The following RBMS3 variants were observed in gnomAD, a reference collection of about 807,000 sequenced individuals.
RBMS3 encodes the protein RNA binding motif single stranded interacting protein 3.
Under a neutral mutation model 66.8 loss-of-function variants are expected in RBMS3, and 27 were observed. That is an observed-to-expected ratio of 0.40 (90% CI 0.30 to 0.56). The LOEUF (loss-of-function observed/expected upper bound fraction) is 0.56, where lower values mean the gene tolerates loss of function less well. Among genes scored for constraint, RBMS3 ranks in the 20% least tolerant of loss-of-function variants. RBMS3 has a pLI of 0.40. For missense variants in RBMS3, 513 were observed against 549.5 expected (o/e 0.93, Z 0.66); for synonymous variants, 188 against 183.0 (o/e 1.03, Z -0.22).
intron 6 of RBMS3, among the ~76,000 whole-genome samples, chr3:29,806,694 C>T (rs138416396): frequency 4.1e-4 from 62 of 152,018 alleles, no homozygotes; most frequent in African/African-American, 1.4e-3. Flanking sequence ...TATATCATGG[C>T]TCATTTATAA....
rs139112169 is a variant in RBMS3 at position 29,835,960 on chromosome 3, T to C, written c.638-32898T>C. Among the ~76,000 whole-genome samples, 117 of 151,546 alleles carry C rather than the reference T, an allele frequency of 7.7e-4. No individual in the cohort carries two copies. The East Asian group carries it at 0.019, about 24-fold the overall frequency. ...GAAATTAGAACAGACACCACAAAAA[T>C]AAAAGTATCATAAGAGGCTAATATA... On this transcript the variant is annotated intron_variant, in intron 6 of 14. Coordinates refer to ENST00000383767, the MANE Select transcript of RBMS3 (RefSeq NM_001003793.3).
rs774857494 is a variant in RBMS3, at chr3:29,293,088, A to C, written c.75+11332A>C. On this transcript the variant is annotated intron_variant, in intron 1 of 14. Transcript: ENST00000383767. The stretch of plus-strand genomic sequence containing the variant: ...TTGCTTTTGTTGTTTTGACTTACTC[A>C]TCACTAGTTCTCAAGGGAGAACCTG... Among the ~76,000 whole-genome samples the C allele has an allele frequency of 2.6e-4, 39 of 151,862 alleles. 1 individual carries two copies. Among genetic ancestry groups the C allele is most frequent in the Non-Finnish European group, 4.7e-4 (32 of 67,890 alleles).
chr3:29,410,310 A>G (rs752275258), intron 1 of RBMS3, among the ~76,000 whole-genome samples: 8 of 152,194 alleles, frequency 5.3e-5, no homozygotes, highest in African/African-American at 1.7e-4. Flanking sequence ...AGCATTCACA[A>G]TGAAGGCAAG....
intron 1 of RBMS3, among the ~76,000 whole-genome samples, chr3:29,409,118 T>C (rs146790357): frequency 6.6e-6 from 1 of 152,308 alleles, no homozygotes; most frequent in African/African-American, 2.4e-5. Flanking sequence ...ATCTCAGAAA[T>C]AAGTTTCATT....
At chr3:29,863,828 G>A (rs1420286685) in intron 6 of RBMS3, among the ~76,000 whole-genome samples, 1 of 152,036 alleles carries the variant, frequency 6.6e-6, no homozygotes, top group African/African-American at 2.4e-5. Context: ...CTAGAACATT[G>A]TTATTTGGTA....
chr3:29,865,808 A>C (rs12497236), intron 6 of RBMS3, among the ~76,000 whole-genome samples: 22 of 151,896 alleles, frequency 1.4e-4, no homozygotes, highest in African/African-American at 4.6e-4. Context: ...TTCTGCTTAT[A>C]TGGACACAGT....
At chr3:29,549,982 C>T (rs936984877) in intron 3 of RBMS3, among the ~76,000 whole-genome samples, 2 of 152,078 alleles carry the variant, frequency 1.3e-5, no homozygotes, top group African/African-American at 4.8e-5. Flanking sequence ...ACAAAAACAA[C>T]CAAACATAAA....
chr3:29,792,794 T>C (rs2149429737), intron 6 of RBMS3, among the ~76,000 whole-genome samples: 1 of 152,366 alleles, frequency 6.6e-6, no homozygotes, highest in South Asian at 2.1e-4. Context: ...GATTTGAGTT[T>C]ACTTAATCAC....
At chr3:29,402,123 G>GA (rs573217275) in intron 1 of RBMS3, among the ~76,000 whole-genome samples, 3 of 151,876 alleles carry the variant, frequency 2.0e-5, no homozygotes, top group African/African-American at 7.3e-5. Flanking sequence ...TGACGGTGAT[G>GA]AAAAAAAGCC....
intron 3 of RBMS3, among the ~76,000 whole-genome samples, chr3:29,571,559 C>T (rs1425561904): frequency 6.6e-6 from 1 of 151,998 alleles, no homozygotes; most frequent in Non-Finnish European, 1.5e-5. Context: ...GGCTTTGGCA[C>T]CTTTGTGAAA....
intron 4 of RBMS3, among the ~76,000 whole-genome samples, chr3:29,620,541 A>G (rs1389905577): frequency 6.6e-6 from 1 of 152,158 alleles, no homozygotes; most frequent in Non-Finnish European, 1.5e-5. Flanking sequence ...GAGGTGGTCC[A>G]CTTACTGTGT....
At chr3:29,829,542 A>G (rs946943285) in intron 6 of RBMS3, among the ~76,000 whole-genome samples, 1 of 152,152 alleles carries the variant, frequency 6.6e-6, no homozygotes, top group African/African-American at 2.4e-5. Flanking sequence ...GTCTTCTTTT[A>G]TCTTCAATAC....
At chr3:29,432,170 A>G (rs1394926564) in intron 1 of RBMS3, among the ~76,000 whole-genome samples, 1 of 152,202 alleles carries the variant, frequency 6.6e-6, no homozygotes, top group East Asian at 1.9e-4. Context: ...ATTCAGAGAA[A>G]AGGAGGTTTC....
At chr3:29,659,737 G>T (rs374167841) in intron 4 of RBMS3, among the ~76,000 whole-genome samples, 9 of 152,148 alleles carry the variant, frequency 5.9e-5, no homozygotes, top group Non-Finnish European at 1.2e-4. Context: ...TGGTGGGGGG[G>T]TGGTTACAGA....
chr3:29,588,342 C>T (rs1490519387), intron 4 of RBMS3, among the ~76,000 whole-genome samples: 1 of 152,032 alleles, frequency 6.6e-6, no homozygotes, highest in Non-Finnish European at 1.5e-5. Context: ...TCATGCTCTG[C>T]TCGTGTATAC....
At chr3:29,892,819 G>A (rs2060033323) in intron 8 of RBMS3, among the ~76,000 whole-genome samples, 1 of 128,898 alleles carries the variant, frequency 7.8e-6, no homozygotes, top group South Asian at 2.6e-4. Flanking sequence ...ATGTATGTAT[G>A]TATGTATGTA....
At chr3:29,478,576 C>T (rs1022813913) in intron 2 of RBMS3, among the ~76,000 whole-genome samples, 3 of 152,120 alleles carry the variant, frequency 2.0e-5, no homozygotes, top group Non-Finnish European at 4.4e-5. Flanking sequence ...TACTGTAGCA[C>T]CAAGAATGTG....
chr3:29,997,967 G>C (rs1416415963), intron 14 of RBMS3, among the ~76,000 whole-genome samples: 2 of 152,184 alleles, frequency 1.3e-5, no homozygotes, highest in African/African-American at 4.8e-5. Context: ...TAGGAAAAGA[G>C]GAAGTCAAAT....
chr3:29,635,837 G>A (rs1048703848), intron 4 of RBMS3, among the ~76,000 whole-genome samples: 17 of 151,708 alleles, frequency 1.1e-4, no homozygotes, highest in African/African-American at 2.2e-4. Context: ...CTCCTCCTCC[G>A]TCCCTTTCCA....
Sources: gnomAD v4.1 joint callset for allele counts (sites outside exome capture counted in the v4.1 genomes callset) on GRCh38, gnomAD v4.1.1 for gene constraint, MANE v1.5 for transcripts, NCBI Gene and HGNC (gene_info 2026-07-23, HGNC 2026-07-21) for gene names.